RYR1: variants seen among roughly 807,000 people sequenced by gnomAD.
The protein encoded by RYR1 is central core disease of muscle.
In RYR1, 342 loss-of-function variants were observed where a neutral mutation model predicts 583.5. That is an observed-to-expected ratio of 0.59 (90% confidence interval 0.54 to 0.64). The LOEUF is 0.64. RYR1 is among the 30% of genes least tolerant of loss of function. The probability of loss-of-function intolerance (pLI) is 0.00; values close to 1 mark genes in which losing one functional copy is unlikely to be tolerated. For synonymous variants in RYR1, 2,791 were observed against 2,822.5 expected (o/e 0.99, Z 0.35); for missense variants, 6,032 against 6,917.2 (o/e 0.87, Z 4.54).
chr19:38,536,313 T>C (rs529108045), intron 82 of RYR1, among the ~76,000 whole-genome samples: 1 of 140,792 alleles, frequency 7.1e-6, no homozygotes, highest in Admixed American at 7.1e-5. Context: ...CATTCTGTCT[T>C]GTGTTCTCAC....
In RYR1 at chr19:38,543,769, A is replaced by G. The variant is rs763146574; in HGVS notation, c.11908-2A>G. 2 of 1,612,780 alleles carry G rather than the reference A, an allele frequency of 1.2e-6. No homozygotes were observed. Among genetic ancestry groups the G allele is most frequent in the East Asian group, 2.2e-5 (1 of 44,876 alleles). On this transcript the variant is annotated splice_acceptor_variant, in intron 86 of 105. Transcript: ENST00000359596. LOFTEE classifies it high-confidence loss of function. The surrounding 1 kb of genome is among the most constrained non-coding windows in gnomAD (Gnocchi z 4.4). The stretch of plus-strand genomic sequence containing the variant: ...CCCCCCACACGGCACTCTGCCTCCC[A>G]GGGTCCCTGCACCGGGAACCAGCAG...
chr19:38,472,835 TAAAAAA>T (rs34985897), intron 27 of RYR1, among the ~76,000 whole-genome samples: 1 of 107,296 alleles, frequency 9.3e-6, no homozygotes, highest in Non-Finnish European at 1.9e-5. Context: ...GACTCTTGTC[TAAAAAA>T]AAAAAAAAAA....
intron 1 of RYR1, among the ~76,000 whole-genome samples, chr19:38,439,010 C>T (rs1356657106): frequency 6.6e-6 from 1 of 151,952 alleles, no homozygotes; most frequent in Non-Finnish European, 1.5e-5. Context: ...CCGCGTCCAG[C>T]CAAGGCAGGG....
intron 34 of RYR1, among the ~76,000 whole-genome samples, chr19:38,488,702 A>T (rs1280903364): frequency 6.6e-6 from 1 of 151,984 alleles, no homozygotes; most frequent in Admixed American, 6.6e-5. Context: ...ACGGGGTTTC[A>T]CCATGTTGGC....
chr19:38,479,918 C>T (rs1052362009), intron 31 of RYR1, among the ~76,000 whole-genome samples: 2 of 151,450 alleles, frequency 1.3e-5, no homozygotes, highest in African/African-American at 4.9e-5. Flanking sequence ...CGGGGTCTCA[C>T]TATGTTGCCC....
Position 38,490,249 on chromosome 19 carries a change from C to T in RYR1, c.5988C>T (p.Arg1996=), listed in dbSNP as rs193922787. Residue 1996 remains arginine (R), a synonymous_variant, in exon 36 of 106, where the codon CGC becomes CGT. Coordinates refer to ENST00000359596, the MANE Select transcript of RYR1 (RefSeq NM_000540.3). ...CAGCAGAGACTGCAAGACGTACCCG[C>T]GAGTTCCGCTCCCCACCCCAGGAAC... ...MTAAETARRT[R]EFRSPPQEQI... is the part of the protein sequence containing the mutation. The T allele has an allele frequency of 1.2e-6, 2 of 1,614,104 alleles. No individual in the cohort carries two copies. The highest frequency in any genetic ancestry group is 1.7e-6 in the Non-Finnish European group (2 of 1,180,020).
intron 72 of RYR1, 133 bp from the exon 73 acceptor site, chr19:38,527,514 C>A: frequency 8.0e-7 from 1 of 1,250,626 alleles, no homozygotes; most frequent in Non-Finnish European, 1.1e-6. Flanking sequence ...CGTCTCAAAA[C>A]AAAAAGATGA....
At chr19:38,566,841 G>A in intron 91 of RYR1, 70 bp from the exon 92 acceptor site, 4 of 1,557,014 alleles carry the variant, frequency 2.6e-6, no homozygotes, top group Non-Finnish European at 3.5e-6. Flanking sequence ...AAGGAGATGA[G>A]AGGAGCAGGC....
intron 38 of RYR1, 92 bp from the exon 39 acceptor site, chr19:38,494,260 C>A: frequency 6.6e-7 from 1 of 1,513,320 alleles, no homozygotes; most frequent in Non-Finnish European, 9.1e-7. Context: ...ACTTCTGGAA[C>A]AGGGGGCCCC....
At chr19:38,514,464 A>AGAGAT (rs1287322645) in intron 63 of RYR1, among the ~76,000 whole-genome samples, 1 of 151,334 alleles carries the variant, frequency 6.6e-6, no homozygotes, top group Non-Finnish European at 1.5e-5. Context: ...TATTTTTAGT[A>AGAGAT]GAGATGGGGT....
At chr19:38,491,482 G>A (rs1969548940) in intron 37 of RYR1, among the ~76,000 whole-genome samples, 1 of 149,900 alleles carries the variant, frequency 6.7e-6, no homozygotes, top group African/African-American at 2.5e-5. Flanking sequence ...CAGCAGGAGT[G>A]CAGGGGCACA....
At position 38,548,422 on chromosome 19, in the gene RYR1, T is replaced by G; in HGVS notation, c.12282+2T>G. ...ATCTCCAAGAAGGACTTCCAGAAGG[T>G]GGGTGTGGGACATCGTGTGGGCCCA... is the stretch of plus-strand genomic sequence containing the variant. On this transcript the variant is annotated splice_donor_variant, in intron 89 of 105. Transcript: ENST00000359596. LOFTEE classifies it high-confidence loss of function. 1 of 1,613,016 alleles carries G rather than the reference T, an allele frequency of 6.2e-7. No homozygotes were observed. Among genetic ancestry groups the G allele is most frequent in the Non-Finnish European group, 8.5e-7 (1 of 1,179,210 alleles).
chr19:38,447,974 G>A (rs572170822), intron 9 of RYR1, among the ~76,000 whole-genome samples: 25 of 152,016 alleles, frequency 1.6e-4, no homozygotes, highest in Non-Finnish European at 3.2e-4. Flanking sequence ...GGGAATTTAG[G>A]GGTCTGGAAA....
rs78124022 is a variant in RYR1 at position 38,460,616 on chromosome 19, T to C, written c.2577+25T>C. The stretch of plus-strand genomic sequence containing the variant: ...GGTACTGCCTGCCCTGCAAAGGTTT[T>C]CTGGCGAGGCAGGGTCTCTTAGGAG... On this transcript the variant is annotated intron_variant, in intron 20 of 105. Coordinates refer to ENST00000359596, the MANE Select transcript of RYR1 (RefSeq NM_000540.3). The C allele has an allele frequency of 1.3e-3, 2,008 of 1,596,976 alleles. 16 individuals are homozygous for C. The African/African-American group carries it at 0.023, about 18-fold the overall frequency.
chr19:38,496,691 A>G lies in RYR1; in HGVS notation c.6796+150A>G, dbSNP rs1969845119. On this transcript the variant is annotated intron_variant, in intron 41 of 105. Transcript: ENST00000359596. This position sits in a 1 kb window ranked among gnomAD's most constrained non-coding sequence, Gnocchi z 4.8. Reference sequence around the variant, plus strand: ...CTGTAATGAGTAATGCTGGGGACACAATAGTGACCCCAATAGTGACAGCCC... The same window carrying G: ...CTGTAATGAGTAATGCTGGGGACACGATAGTGACCCCAATAGTGACAGCCC... 4 of 1,177,600 alleles carry G rather than the reference A, an allele frequency of 3.4e-6. No individual in the cohort carries two copies. The Admixed American group carries it at 7.5e-5, about 22-fold the overall frequency. The allele number at this position is 1,177,600 out of a possible 1,614,324, so 72.9% of individuals were successfully genotyped here.
At chr19:38,437,813 G>A (rs1972491673) in intron 1 of RYR1, among the ~76,000 whole-genome samples, 1 of 151,486 alleles carries the variant, frequency 6.6e-6, no homozygotes, top group South Asian at 2.1e-4. Context: ...AAGACCCTGT[G>A]TCTACAAAAA....
chr19:38,563,426 A>G (rs1431851969), intron 90 of RYR1, among the ~76,000 whole-genome samples: 2 of 152,116 alleles, frequency 1.3e-5, no homozygotes, highest in Non-Finnish European at 2.9e-5. Context: ...AACCATGCCC[A>G]CCTAATTTTT....
intron 42 of RYR1, 56 bp downstream of exon 42, chr19:38,497,010 G>T: frequency 6.8e-7 from 1 of 1,465,432 alleles, no homozygotes; most frequent in East Asian, 2.3e-5. Flanking sequence ...GCCGCTACCC[G>T]GCTGCTTGGG....
At chr19:38,568,998 C>G (rs1004761116) in intron 93 of RYR1, among the ~76,000 whole-genome samples, 8 of 152,026 alleles carry the variant, frequency 5.3e-5, no homozygotes, top group African/African-American at 1.9e-4. Flanking sequence ...AGGGAGATCC[C>G]TGTCTCTACA....
Sources: allele counts gnomAD v4.1 joint callset (sites outside exome capture counted in the v4.1 genomes callset), GRCh38; gene constraint gnomAD v4.1.1; non-coding constraint Gnocchi (gnomAD v3.1); transcripts MANE v1.5; gene names NCBI Gene and HGNC (gene_info 2026-07-23, HGNC 2026-07-21).